The following BATF2 variants were observed in gnomAD, a reference collection of about 807,000 sequenced individuals.
BATF2 encodes the protein basic leucine zipper ATF-like transcription factor 2, also known as basic leucine zipper transcriptional factor ATF-like 2.
In BATF2, 4 loss-of-function variants were observed where a neutral mutation model predicts 7.3. That is an observed-to-expected ratio of 0.55 (90% confidence interval 0.27 to 1.26). The LOEUF is 1.26. Ranked by LOEUF, BATF2 falls within the 50% of genes most tolerant of loss-of-function variation. BATF2 has a pLI of 0.11. For synonymous variants in BATF2, 152 were observed against 153.9 expected, an observed-to-expected ratio of 0.99 and a Z score of 0.09; for missense variants, 295 against 340.5, an observed-to-expected ratio of 0.87 and a Z score of 1.05.
chr11:64,990,486 C>G, intron 2 of BATF2: 1 of 1,218,092 alleles, frequency 8.2e-7, no homozygotes. Flanking sequence ...TGGGAGGATT[C>G]AGGGGATTGT....
intron 2 of BATF2, chr11:64,990,164 G>T: frequency 6.5e-7 from 1 of 1,535,650 alleles, no homozygotes. Flanking sequence ...GTCATTAATT[G>T]CAGGTTAAAG....
At chr11:64,990,373 A>G in intron 2 of BATF2, 2 of 1,432,518 alleles carry the variant, frequency 1.4e-6, no homozygotes, top group South Asian at 2.9e-5. Context: ...CTCTGTGCAA[A>G]TCCCAACAGG....
chr11:64,995,002 C>A (rs1283887851), intron 1 of BATF2, among the ~76,000 whole-genome samples: 1 of 152,140 alleles, frequency 6.6e-6, no homozygotes, highest in East Asian at 1.9e-4. Context: ...GCACCTGCCA[C>A]CATTCCTGGC....
chr11:64,994,378 G>A, intron 2 of BATF2, 70 bp downstream of exon 2: 1 of 1,430,808 alleles, frequency 7.0e-7, no homozygotes, highest in Non-Finnish European at 9.6e-7. Context: ...TCAAAGGTGG[G>A]ATGGAGAAGA....
At chr11:64,992,668 C>T (rs1369094514) in intron 2 of BATF2, among the ~76,000 whole-genome samples, 3 of 151,568 alleles carry the variant, frequency 2.0e-5, no homozygotes, top group African/African-American at 7.3e-5. Context: ...CAAGACCAGC[C>T]TGGGCTACAT....
Position 64,989,520 on chromosome 11 carries a change from G to A in BATF2, c.434C>T (p.Ser145Phe), listed in dbSNP as rs1314932976. 6.3e-7 allele frequency: 1 copy of A among 1,597,336 alleles called. No individual in the cohort carries two copies. Among genetic ancestry groups the A allele is most frequent in the Non-Finnish European group, 8.5e-7 (1 of 1,171,952 alleles). Residue 145 changes from serine to phenylalanine, a missense_variant, in exon 3 of 3, where the codon TCT becomes TTT. Transcript: ENST00000301887. The surrounding 1 kb of genome is among the most constrained non-coding windows in gnomAD (Gnocchi z 4.3). ...CAGGGGGCACTGGAGGAGGCTGGGA[G>A]AATCATGAGGCTGTGGACCTGGAGA... ...PLSPGPQPHD[S>F]PSLLQCPLPS...
rs1028605982 is a variant in BATF2, at chr11:64,988,971, G to A, written c.*158C>T. ...ATTGGTGGTGACAGGGCCTGTCACA[G>A]TGGGAGGCATCAGTGGTGGCTTCCT... On this transcript the variant is annotated 3_prime_UTR_variant, in exon 3 of 3. Transcript: ENST00000301887. 2 of 711,982 alleles carry A rather than the reference G, an allele frequency of 2.8e-6. No individual in the cohort carries two copies. The highest frequency in any genetic ancestry group is 1.8e-5 in the African/African-American group (1 of 56,434). 44.1% of individuals were successfully genotyped at this position (711,982 alleles called of 1,614,324 possible). A position where few individuals can be genotyped will look rare whatever the true frequency, so the allele number is the denominator to read the frequency against.
In BATF2 at chr11:64,989,719, C is replaced by T. The variant is rs137880686; in HGVS notation, c.235G>A (p.Val79Met). The T allele has an allele frequency of 5.3e-4, 848 of 1,613,978 alleles. 3 individuals carry two copies. In the African/African-American group the frequency reaches 0.01, roughly 19 times the overall value. Residue 79 changes from valine to methionine, a missense_variant, in exon 3 of 3, where the codon GTG (valine) becomes ATG (methionine). Val to Met is a conservative substitution (Grantham distance 21). Transcript: ENST00000301887. This position sits in a 1 kb window ranked among gnomAD's most constrained non-coding sequence, Gnocchi z 4.3. Reference protein sequence around the residue: ...ELAWWSRTLHVHERLCPMDCA... With the variant: ...ELAWWSRTLHMHERLCPMDCA... Reference sequence around the variant, plus strand: ...TCCATGGGGCACAGGCGCTCATGCACGTGCAGGGTCCGGCTCCACCACGCC... The same window carrying T: ...TCCATGGGGCACAGGCGCTCATGCATGTGCAGGGTCCGGCTCCACCACGCC...
At chr11:64,990,501 C>G in intron 2 of BATF2, 1 of 1,187,934 alleles carries the variant, frequency 8.4e-7, no homozygotes, top group South Asian at 2.0e-5. Context: ...GATTGTTTTA[C>G]AGGTTGACAG....
In BATF2 at chr11:64,989,626, C is replaced by T. The variant is rs775658717; in HGVS notation, c.328G>A (p.Gly110Ser). Reference sequence around the variant, plus strand: ...CGGCAGCCATGTTGTCCCTGTGGGCCAGGGCCCAGGAGCCCCTCAGCCTGG... The same window carrying T: ...CGGCAGCCATGTTGTCCCTGTGGGCTAGGGCCCAGGAGCCCCTCAGCCTGG... ...WDQAEGLLGP[G>S]PQGQHGCREQ... The change falls in exon 3 of 3, where the codon GGC (glycine) becomes AGC (serine). Residue 110 changes from glycine (G) to serine (S), a missense_variant. By Grantham distance (56) the Gly-to-Ser change is moderately conservative. Transcript: ENST00000301887. The surrounding 1 kb of genome is among the most constrained non-coding windows in gnomAD (Gnocchi z 4.3). 6.2e-7 allele frequency: 1 copy of T among 1,611,260 alleles called. No homozygotes were observed. Among genetic ancestry groups the T allele is most frequent in the Non-Finnish European group, 8.5e-7 (1 of 1,179,050 alleles).
Position 64,989,005 on chromosome 11 carries a change from G to A in BATF2, c.*124C>T. On this transcript the variant is annotated 3_prime_UTR_variant, in exon 3 of 3. Transcript: ENST00000301887. The surrounding 1 kb of genome is among the most constrained non-coding windows in gnomAD (Gnocchi z 4.3). ...ATCAGTGGTGGCTTCCTTTTCGACT[G>A]TGAAATCCTGGGCCAGCTGGTCAGC... 9.0e-7 allele frequency: 1 copy of A among 1,107,826 alleles called. No homozygotes were observed. The highest frequency in any genetic ancestry group is 1.3e-6 in the Non-Finnish European group (1 of 745,108). 68.6% of individuals were successfully genotyped at this position (1,107,826 alleles called of 1,614,324 possible).
intron 2 of BATF2, chr11:64,990,721 C>A (rs1042791951): frequency 4.7e-5 from 33 of 695,470 alleles, no homozygotes; most frequent in Non-Finnish European, 5.7e-5. Context: ...TCCCCCACCC[C>A]CTTTTCTGGA....
At chr11:64,994,021 C>T (rs982190888) in intron 2 of BATF2, among the ~76,000 whole-genome samples, 2 of 152,140 alleles carry the variant, frequency 1.3e-5, no homozygotes, top group Non-Finnish European at 2.9e-5. Context: ...TGGTCTTGAA[C>T]TCCTGGGCTC....
chr11:64,995,561 A>T (rs1946104201), intron 1 of BATF2, among the ~76,000 whole-genome samples: 1 of 152,164 alleles, frequency 6.6e-6, no homozygotes. Context: ...GGAAGAGTGG[A>T]CTCAAAGGTT....
chr11:64,995,218 G>C (rs1426342993), intron 1 of BATF2, among the ~76,000 whole-genome samples: 5 of 152,198 alleles, frequency 3.3e-5, no homozygotes, highest in Non-Finnish European at 4.4e-5. Flanking sequence ...CCACAGCAGA[G>C]GGTTAAAGCC....
Position 64,988,947 on chromosome 11 carries a change from T to C in BATF2, c.*182A>G, listed in dbSNP as rs1348172504. 1.1e-5 allele frequency: 7 copies of C among 618,028 alleles called. No homozygotes were observed. The highest frequency in any genetic ancestry group is 6.1e-5 in the South Asian group (3 of 49,466). The allele number at this position is 618,028 out of a possible 1,614,324, so 38.3% of individuals were successfully genotyped here. ...TCAACTGTGAGGTTGAAATAAGATA[T>C]TGGTGGTGACAGGGCCTGTCACAGT... On this transcript the variant is annotated 3_prime_UTR_variant, in exon 3 of 3. Coordinates refer to ENST00000301887, the MANE Select transcript of BATF2 (RefSeq NM_138456.4).
intron 1 of BATF2, among the ~76,000 whole-genome samples, chr11:64,995,774 T>C (rs1188181999): frequency 1.3e-5 from 2 of 152,122 alleles, no homozygotes; most frequent in East Asian, 1.9e-4. Context: ...TTCTGAATGC[T>C]CCTAGGCTCC....
intron 2 of BATF2, chr11:64,990,134 A>G: frequency 6.5e-7 from 1 of 1,535,722 alleles, no homozygotes; most frequent in Non-Finnish European, 8.7e-7. Flanking sequence ...TCTTGCCCAC[A>G]GGAGCCATTC....
intron 1 of BATF2, among the ~76,000 whole-genome samples, chr11:64,995,254 C>T (rs966422663): frequency 4.6e-5 from 7 of 152,218 alleles, no homozygotes; most frequent in Non-Finnish European, 8.8e-5. Context: ...CCAGAGCCGG[C>T]GTGCCATAAA....
Sources: allele counts gnomAD v4.1 joint callset (sites outside exome capture counted in the v4.1 genomes callset), GRCh38; gene constraint gnomAD v4.1.1; non-coding constraint Gnocchi (gnomAD v3.1); transcripts MANE v1.5; gene names NCBI Gene and HGNC (gene_info 2026-07-23, HGNC 2026-07-21).